Variants in KLHL14 observed in about 807,000 individuals in gnomAD.
KLHL14 encodes kelch like family member 14, also known as kelch-like protein 14.
A neutral mutation model predicts 64.3 loss-of-function variants in KLHL14; 22 were observed. The observed-to-expected ratio is 0.34, with a 90% CI of 0.24 to 0.49. KLHL14 has a LOEUF of 0.49. KLHL14 is among the 20% of genes least tolerant of loss of function. KLHL14 has a pLI of 0.99. For synonymous variants in KLHL14, 322 were observed against 333.4 expected (o/e 0.97, Z 0.37); for missense variants, 661 against 789.0 (o/e 0.84, Z 1.94).
chr18:32,707,264 G>C (rs2049995107), intron 3 of KLHL14, among the ~76,000 whole-genome samples: 1 of 152,198 alleles, frequency 6.6e-6, no homozygotes, highest in Admixed American at 6.5e-5. Flanking sequence ...GCAAGTAAGA[G>C]CTTTTCTTCG....
chr18:32,697,311 C>T (rs1193632789), intron 3 of KLHL14, among the ~76,000 whole-genome samples: 1 of 152,122 alleles, frequency 6.6e-6, no homozygotes, highest in African/African-American at 2.4e-5. Flanking sequence ...TTCCAAAATA[C>T]CAAAAACAAA....
intron 2 of KLHL14, chr18:32,742,827 TC>T (rs2050205627): frequency 6.6e-6 from 1 of 152,286 alleles, no homozygotes; most frequent in South Asian, 2.1e-4. Flanking sequence ...ATTCCCTCCC[TC>T]TGTTTTTCTA....
At chr18:32,729,965 T>C (rs995410588) in intron 3 of KLHL14, among the ~76,000 whole-genome samples, 2 of 152,158 alleles carry the variant, frequency 1.3e-5, no homozygotes, top group African/African-American at 4.8e-5. Flanking sequence ...GAAGAGAGAA[T>C]ATGGTAGAAT....
chr18:32,772,156 C>G (rs765183213), intron 1 of KLHL14: 2 of 312,840 alleles, frequency 6.4e-6, no homozygotes, highest in South Asian at 5.5e-5. Context: ...CCGCCCGGCT[C>G]GGAGGGATCC....
chr18:32,767,297 T>C (rs1598582259), intron 2 of KLHL14, among the ~76,000 whole-genome samples: 1 of 152,236 alleles, frequency 6.6e-6, no homozygotes, highest in Non-Finnish European at 1.5e-5. Flanking sequence ...TTCATGGTTA[T>C]TTTGGCATTC....
chr18:32,704,614 T>TG (rs1016094360), intron 3 of KLHL14, among the ~76,000 whole-genome samples: 18 of 151,794 alleles, frequency 1.2e-4, no homozygotes, highest in Non-Finnish European at 2.2e-4. Context: ...CCCAGCTACT[T>TG]GGGGGGCTGG....
chr18:32,768,461 G>A (rs78345847), intron 2 of KLHL14, among the ~76,000 whole-genome samples: 2,003 of 151,070 alleles, frequency 0.013, 24 homozygotes, highest in South Asian at 0.048. Flanking sequence ...TGCACAAGGT[G>A]GGCCCCATTC....
chr18:32,745,648 T>A (rs2050220552), intron 2 of KLHL14: 1 of 152,238 alleles, frequency 6.6e-6, no homozygotes, highest in East Asian at 1.9e-4. Context: ...TTTACTTTGA[T>A]ATAAATGCAA....
intron 3 of KLHL14, among the ~76,000 whole-genome samples, chr18:32,727,467 C>A (rs9951832): frequency 0.054 from 8,156 of 152,162 alleles, 665 homozygotes; most frequent in African/African-American, 0.18. Flanking sequence ...CATCTGGAAA[C>A]TTATTTACAT....
At position 32,770,374 on chromosome 18, in the gene KLHL14, C is replaced by T; in HGVS notation, c.218G>A (p.Gly73Asp). 6.3e-7 allele frequency: 1 copy of T among 1,589,324 alleles called. No individual in the cohort carries two copies. The highest frequency in any genetic ancestry group is 2.2e-5 in the East Asian group (1 of 44,534). Residue 73 changes from glycine (G) to aspartate (D), a missense_variant, in exon 2 of 9, where the codon GGC becomes GAC. Coordinates refer to ENST00000359358, the MANE Select transcript of KLHL14 (RefSeq NM_020805.3). The surrounding 1 kb of genome is among the most constrained non-coding windows in gnomAD (Gnocchi z 6.7). Reference sequence around the variant, plus strand: ...GGGGGCCCCCAGGCCGTCCTGGCCGCCGACCCCTCCCCCGAGAGGGGGGTG... The same window carrying T: ...GGGGGCCCCCAGGCCGTCCTGGCCGTCGACCCCTCCCCCGAGAGGGGGGTG... Reference protein sequence around the residue: ...SSHPPLGGGVGGQDGLGAPKD... With the variant: ...SSHPPLGGGVDGQDGLGAPKD...
intron 3 of KLHL14, among the ~76,000 whole-genome samples, chr18:32,717,012 T>C (rs995549784): frequency 7.2e-5 from 11 of 152,208 alleles, no homozygotes; most frequent in African/African-American, 2.4e-4. Context: ...TGAAATATCC[T>C]CTCTCTCCAA....
rs947349861 is a variant in KLHL14 at position 32,673,916 on chromosome 18, T to G, written c.*741A>C. On this transcript the variant is annotated 3_prime_UTR_variant, in exon 9 of 9. Coordinates refer to ENST00000359358, the MANE Select transcript of KLHL14 (RefSeq NM_020805.3). Reference sequence around the variant, plus strand: ...AAATATGAAAAAGCACAAACCTCCATGAACTGAATAGTGACATAATATATT... The same window carrying G: ...AAATATGAAAAAGCACAAACCTCCAGGAACTGAATAGTGACATAATATATT... 6.6e-6 allele frequency: 1 copy of G among 152,170 alleles called. No homozygotes were observed. The highest frequency in any genetic ancestry group is 2.4e-5 in the African/African-American group (1 of 41,454). The allele number at this position is 152,170 out of a possible 1,614,324, so 9.4% of individuals were successfully genotyped here.
At chr18:32,687,712 T>C (rs1209892145) in intron 4 of KLHL14, among the ~76,000 whole-genome samples, 1 of 152,174 alleles carries the variant, frequency 6.6e-6, no homozygotes, top group Non-Finnish European at 1.5e-5. Flanking sequence ...AAAAAATTAT[T>C]TTAAAAGATA....
At chr18:32,757,732 A>C (rs1392443119) in intron 2 of KLHL14, among the ~76,000 whole-genome samples, 1 of 152,240 alleles carries the variant, frequency 6.6e-6, no homozygotes, top group Admixed American at 6.5e-5. Flanking sequence ...CCAAGTCCAG[A>C]ATATCATTTA....
intron 3 of KLHL14, among the ~76,000 whole-genome samples, chr18:32,702,700 A>G (rs1167292829): frequency 6.6e-6 from 1 of 152,116 alleles, no homozygotes; most frequent in East Asian, 1.9e-4. Context: ...GGATGATTTT[A>G]TCATTACGGA....
At chr18:32,710,164 C>A (rs1266884638) in intron 3 of KLHL14, among the ~76,000 whole-genome samples, 1 of 152,166 alleles carries the variant, frequency 6.6e-6, no homozygotes, top group Non-Finnish European at 1.5e-5. Context: ...AGCCTCATTA[C>A]AAACAAACTG....
intron 5 of KLHL14, among the ~76,000 whole-genome samples, chr18:32,681,602 G>A (rs1014646585): frequency 6.6e-6 from 1 of 152,056 alleles, no homozygotes; most frequent in African/African-American, 2.4e-5. Flanking sequence ...TACTTCACAA[G>A]GAAAACATGT....
chr18:32,735,379 G>T (rs1473258530), intron 3 of KLHL14, among the ~76,000 whole-genome samples: 1 of 152,054 alleles, frequency 6.6e-6, no homozygotes, highest in East Asian at 1.9e-4. Context: ...TAAAGTAAAA[G>T]CCAAAATGAA....
At chr18:32,675,724 C>T (rs771274836) in intron 8 of KLHL14, among the ~76,000 whole-genome samples, 6 of 152,090 alleles carry the variant, frequency 3.9e-5, no homozygotes, top group Admixed American at 1.3e-4. Flanking sequence ...AGGAAAAAAA[C>T]GAAAGACCCA....
Sources: gnomAD v4.1 joint callset for allele counts (sites outside exome capture counted in the v4.1 genomes callset) on GRCh38, gnomAD v4.1.1 for gene constraint, Gnocchi (gnomAD v3.1) non-coding constraint, MANE v1.5 for transcripts, NCBI Gene and HGNC (gene_info 2026-07-23, HGNC 2026-07-21) for gene names.